The following CLSTN2 variants were observed in gnomAD, a reference collection of about 807,000 sequenced individuals.
The protein encoded by CLSTN2 is calsyntenin-2.
In CLSTN2, 48 loss-of-function variants were observed where a neutral mutation model predicts 101.2. The observed-to-expected ratio is 0.47, with a 90% CI of 0.38 to 0.60. The LOEUF (loss-of-function observed/expected upper bound fraction) is 0.60, where lower values mean the gene tolerates loss of function less well. CLSTN2 is among the 20% of genes least tolerant of loss of function. The pLI, the probability that CLSTN2 is intolerant of heterozygous loss-of-function variation, is 0.00. For synonymous variants in CLSTN2, 481 were observed against 463.6 expected (o/e 1.04, Z -0.48); for missense variants, 1,160 against 1,238.2 (o/e 0.94, Z 0.95).
Position 140,571,782 on chromosome 3 carries a change from A to C in CLSTN2, c.*5529A>C, listed in dbSNP as rs1334900268. 6.6e-6 allele frequency: 1 copy of C among 152,182 alleles called. No homozygotes were observed. The highest frequency in any genetic ancestry group is 6.5e-5 in the Admixed American group (1 of 15,272). 9.4% of individuals were successfully genotyped at this position (152,182 alleles called of 1,614,324 possible). A position where few individuals can be genotyped will look rare whatever the true frequency, so the allele number is the denominator to read the frequency against. Reference sequence around the variant, plus strand: ...TAGTTTTCCCTTTAGTGCCAACTGGAAAAGGAGAGTTGGCTTTACAGGGGC... The same window carrying C: ...TAGTTTTCCCTTTAGTGCCAACTGGCAAAGGAGAGTTGGCTTTACAGGGGC... On this transcript the variant is annotated 3_prime_UTR_variant, in exon 17 of 17. Transcript: ENST00000458420.
At chr3:140,313,837 C>G (rs1344569932) in intron 2 of CLSTN2, among the ~76,000 whole-genome samples, 1 of 152,144 alleles carries the variant, frequency 6.6e-6, no homozygotes, top group African/African-American at 2.4e-5. Context: ...TGCCTCAGGC[C>G]TTTGGGAAGG....
chr3:140,289,404 C>T (rs948297353), intron 2 of CLSTN2, among the ~76,000 whole-genome samples: 2 of 151,940 alleles, frequency 1.3e-5, no homozygotes, highest in African/African-American at 2.4e-5. Context: ...AAAAAATCCA[C>T]TGATTTGTAT....
At chr3:140,539,112 A>G (rs1935417819) in intron 9 of CLSTN2, among the ~76,000 whole-genome samples, 1 of 150,582 alleles carries the variant, frequency 6.6e-6, no homozygotes, top group African/African-American at 2.5e-5. Flanking sequence ...GCCTTCCTTG[A>G]CTTCAGGATC....
chr3:140,295,956 G>T (rs1266559709), intron 2 of CLSTN2, among the ~76,000 whole-genome samples: 5 of 152,176 alleles, frequency 3.3e-5, no homozygotes, highest in Non-Finnish European at 7.3e-5. Context: ...ACTAACTCAA[G>T]AATTGAGGCT....
At chr3:140,531,839 A>G (rs1321988136) in intron 8 of CLSTN2, among the ~76,000 whole-genome samples, 1 of 152,168 alleles carries the variant, frequency 6.6e-6, no homozygotes, top group Non-Finnish European at 1.5e-5. Flanking sequence ...GTGGTTTCCC[A>G]GAACAGAGGG....
chr3:140,167,949 T>G (rs2010159307), intron 1 of CLSTN2, among the ~76,000 whole-genome samples: 1 of 152,212 alleles, frequency 6.6e-6, no homozygotes, highest in Admixed American at 6.5e-5. Flanking sequence ...TGTTTATCCA[T>G]TCACTAGTTG....
At chr3:139,998,287 C>A (rs1291752487) in intron 1 of CLSTN2, among the ~76,000 whole-genome samples, 2 of 147,086 alleles carry the variant, frequency 1.4e-5, no homozygotes, top group Admixed American at 6.8e-5. Flanking sequence ...TCACATCTCC[C>A]AACCTCAGTT....
At chr3:140,178,301 G>A (rs1227251368) in intron 2 of CLSTN2, among the ~76,000 whole-genome samples, 1 of 152,104 alleles carries the variant, frequency 6.6e-6, no homozygotes, top group Non-Finnish European at 1.5e-5. Flanking sequence ...GGTTATTTAA[G>A]TTTGTTGGTT....
Position 139,935,248 on chromosome 3 carries a change from C to T in CLSTN2, c.-127C>T. The stretch of plus-strand genomic sequence containing the variant: ...GGCGGGAACCCGAGGCCGAGCGCCG[C>T]GGCGGCAGCGCTAGAAGCGCACCCA... On this transcript the variant is annotated 5_prime_UTR_variant, in exon 1 of 17. Coordinates refer to ENST00000458420, the MANE Select transcript of CLSTN2 (RefSeq NM_022131.3). This position sits in a 1 kb window ranked among gnomAD's most constrained non-coding sequence, Gnocchi z 5.5. 2.4e-6 allele frequency: 1 copy of T among 417,266 alleles called. No homozygotes were observed. Among genetic ancestry groups the T allele is most frequent in the Non-Finnish European group, 3.9e-6 (1 of 255,718 alleles). The allele number at this position is 417,266 out of a possible 1,614,324, so 25.8% of individuals were successfully genotyped here. A position where few individuals can be genotyped will look rare whatever the true frequency, so the allele number is the denominator to read the frequency against.
chr3:140,003,669 A>C (rs975105041), intron 1 of CLSTN2, among the ~76,000 whole-genome samples: 1 of 152,084 alleles, frequency 6.6e-6, no homozygotes, highest in African/African-American at 2.4e-5. Flanking sequence ...TGGGTCTGTC[A>C]TATATGCCTT....
intron 1 of CLSTN2, among the ~76,000 whole-genome samples, chr3:139,965,010 C>A (rs1004109134): frequency 6.6e-6 from 1 of 152,130 alleles, no homozygotes; most frequent in Non-Finnish European, 1.5e-5. Context: ...GACAATGCCA[C>A]TACGGTTGAT....
At chr3:140,197,665 G>A (rs112953337) in intron 2 of CLSTN2, among the ~76,000 whole-genome samples, 2,664 of 152,212 alleles carry the variant, frequency 0.018, 82 homozygotes, top group African/African-American at 0.061. Flanking sequence ...TGTCTTAATG[G>A]GAGATTATAG....
At chr3:140,495,733 T>C (rs1268200841) in intron 8 of CLSTN2, among the ~76,000 whole-genome samples, 2 of 152,208 alleles carry the variant, frequency 1.3e-5, no homozygotes, top group African/African-American at 4.8e-5. Flanking sequence ...CCTTTCCCCA[T>C]TGCTTATTTC....
At chr3:140,493,510 T>G (rs1934391224) in intron 8 of CLSTN2, among the ~76,000 whole-genome samples, 1 of 152,162 alleles carries the variant, frequency 6.6e-6, no homozygotes, top group Non-Finnish European at 1.5e-5. Context: ...CAAATATTTG[T>G]GAGTAGCACC....
intron 2 of CLSTN2, among the ~76,000 whole-genome samples, chr3:140,339,034 C>T (rs532793024): frequency 6.6e-6 from 1 of 152,334 alleles, no homozygotes; most frequent in Non-Finnish European, 1.5e-5. Flanking sequence ...CGCAGTGGCT[C>T]ACCTGGGTGA....
intron 1 of CLSTN2, among the ~76,000 whole-genome samples, chr3:140,088,579 A>C (rs1383076514): frequency 6.6e-6 from 1 of 152,200 alleles, no homozygotes; most frequent in African/African-American, 2.4e-5. Context: ...CTGCAGAAAA[A>C]CAAAGGAAGC....
At chr3:140,369,042 G>A (rs755452487) in intron 2 of CLSTN2, among the ~76,000 whole-genome samples, 3 of 152,024 alleles carry the variant, frequency 2.0e-5, no homozygotes, top group Non-Finnish European at 4.4e-5. Context: ...CTGTTTTCTG[G>A]GACAGTGTGA....
intron 1 of CLSTN2, among the ~76,000 whole-genome samples, chr3:139,967,785 C>G (rs1935626954): frequency 6.6e-6 from 1 of 152,152 alleles, no homozygotes; most frequent in African/African-American, 2.4e-5. Context: ...TACCAAATAG[C>G]TATTTAAAAA....
intron 6 of CLSTN2, among the ~76,000 whole-genome samples, chr3:140,453,701 A>G (rs1160492093): frequency 1.3e-5 from 2 of 152,246 alleles, no homozygotes; most frequent in African/African-American, 2.4e-5. Context: ...GTATACATGT[A>G]TCTAAATATT....
Sources: allele counts gnomAD v4.1 joint callset (sites outside exome capture counted in the v4.1 genomes callset), GRCh38; gene constraint gnomAD v4.1.1; non-coding constraint Gnocchi (gnomAD v3.1); transcripts MANE v1.5; gene names NCBI Gene and HGNC (gene_info 2026-07-23, HGNC 2026-07-21).